SLC35F1: variants seen among roughly 807,000 people sequenced by gnomAD.
The protein encoded by SLC35F1 is chromosome 6 open reading frame 169.
SLC35F1 carries 14 observed loss-of-function variants against 48.7 expected under a neutral mutation model. The observed-to-expected ratio is 0.29, with a 90% CI of 0.19 to 0.45. The LOEUF is 0.45. SLC35F1 is among the 20% of genes least tolerant of loss of function. The pLI, the probability that SLC35F1 is intolerant of heterozygous loss-of-function variation, is 1.00. For missense variants in SLC35F1, 404 were observed against 500.0 expected (o/e 0.81, Z 1.83); for synonymous variants, 190 against 202.2 (o/e 0.94, Z 0.51).
At chr6:118,068,900 A>G (rs1397371974) in intron 1 of SLC35F1, among the ~76,000 whole-genome samples, 2 of 152,174 alleles carry the variant, frequency 1.3e-5, no homozygotes, top group Non-Finnish European at 1.5e-5. Flanking sequence ...TCTTTGAACA[A>G]GGCTTCAAGG....
chr6:118,289,356 A>G (rs1776089979), intron 7 of SLC35F1, among the ~76,000 whole-genome samples: 1 of 152,214 alleles, frequency 6.6e-6, no homozygotes, highest in South Asian at 2.1e-4. Context: ...CTCAGAGATA[A>G]ACACCCAAGA....
intron 1 of SLC35F1, among the ~76,000 whole-genome samples, chr6:117,973,055 A>G (rs1054575775): frequency 5.9e-5 from 9 of 152,188 alleles, no homozygotes; most frequent in African/African-American, 2.2e-4. Context: ...GGCTTAAACA[A>G]TAGAAATTTA....
intron 1 of SLC35F1, among the ~76,000 whole-genome samples, chr6:117,998,745 A>G (rs545096625): frequency 2.2e-4 from 34 of 152,358 alleles, no homozygotes; most frequent in African/African-American, 7.7e-4. Context: ...AAGACACAAC[A>G]GACCAGAATC....
intron 3 of SLC35F1, among the ~76,000 whole-genome samples, chr6:118,251,457 A>G (rs1280634062): frequency 6.6e-6 from 1 of 152,224 alleles, no homozygotes; most frequent in African/African-American, 2.4e-5. Flanking sequence ...CTCTTGTATA[A>G]CTGACAGCAT....
chr6:117,926,414 C>A (rs568755412), intron 1 of SLC35F1, among the ~76,000 whole-genome samples: 1 of 151,910 alleles, frequency 6.6e-6, no homozygotes, highest in Non-Finnish European at 1.5e-5. Context: ...GAGTTTTTTT[C>A]GTAGCAGCAT....
intron 1 of SLC35F1, among the ~76,000 whole-genome samples, chr6:118,143,710 A>G (rs1773927377): frequency 6.6e-6 from 1 of 152,222 alleles, no homozygotes; most frequent in South Asian, 2.1e-4. Context: ...TGGTACTTCC[A>G]AATATACTTA....
chr6:118,297,769 T>C (rs941206287), intron 7 of SLC35F1, among the ~76,000 whole-genome samples: 5 of 114,512 alleles, frequency 4.4e-5, no homozygotes, highest in African/African-American at 1.7e-4. Context: ...ATATATAATA[T>C]ATATATATAC....
chr6:117,923,712 T>C lies in SLC35F1; in HGVS notation c.173+15813T>C, dbSNP rs1363570911. Among the ~76,000 whole-genome samples the C allele has an allele frequency of 2.9e-3, 58 of 20,180 alleles. 12 individuals carry two copies. The highest frequency in any genetic ancestry group is 6.2e-3 in the African/African-American group (49 of 7,954). The allele number at this position is 20,180 out of a possible 152,430, so 13.2% of individuals were successfully genotyped here. ...ATATGTACATATACATATATGTACA[T>C]ATATACATATATACATATGTATATA... On this transcript the variant is annotated intron_variant, in intron 1 of 7. Coordinates refer to ENST00000360388, the MANE Select transcript of SLC35F1 (RefSeq NM_001029858.4).
Position 118,131,134 on chromosome 6 carries a change from T to A in SLC35F1, c.174-23311T>A, listed in dbSNP as rs566187626. Among the ~76,000 whole-genome samples the A allele has an allele frequency of 4.6e-5, 7 of 152,172 alleles. No homozygotes were observed. In the East Asian group the frequency reaches 7.7e-4, roughly 17 times the overall value. On this transcript the variant is annotated intron_variant, in intron 1 of 7. Coordinates refer to ENST00000360388, the MANE Select transcript of SLC35F1 (RefSeq NM_001029858.4). ...CAAACACACACGAGTTTTTTAAAAA[T>A]TTTTTCCTGCAATTTCAAGTCACTC...
chr6:118,062,624 T>C (rs1051245353), intron 1 of SLC35F1, among the ~76,000 whole-genome samples: 2 of 152,208 alleles, frequency 1.3e-5, no homozygotes, highest in Non-Finnish European at 2.9e-5. Context: ...CCTTTTTGTT[T>C]TTCTAATAAG....
chr6:118,284,996 AT>A lies in SLC35F1; in HGVS notation c.848-180del, dbSNP rs36095110. ...GCAGAAAGTTCATTTTTCACACTTA[AT>A]TTTTTTTAATCTAGTTTAATTTTTG... is the stretch of plus-strand genomic sequence containing the variant. On this transcript the variant is annotated intron_variant, in intron 6 of 7. Transcript: ENST00000360388. 1.1e-3 allele frequency among the ~76,000 whole-genome samples: 173 copies of A among 151,772 alleles called. 1 individual carries two copies. The highest frequency in any genetic ancestry group is 3.4e-3 in the Admixed American group (52 of 15,266).
At chr6:118,155,847 C>T (rs989024225) in intron 2 of SLC35F1, among the ~76,000 whole-genome samples, 4 of 152,100 alleles carry the variant, frequency 2.6e-5, no homozygotes, top group African/African-American at 9.7e-5. Flanking sequence ...TTTCAATAGT[C>T]ACACTTTTAG....
chr6:118,091,720 G>A (rs11758838), intron 1 of SLC35F1, among the ~76,000 whole-genome samples: 1 of 152,028 alleles, frequency 6.6e-6, no homozygotes, highest in Non-Finnish European at 1.5e-5. Flanking sequence ...GGTTGGAACA[G>A]TTTGGAGGCC....
intron 1 of SLC35F1, among the ~76,000 whole-genome samples, chr6:118,076,788 A>G (rs1772828341): frequency 6.6e-6 from 1 of 152,208 alleles, no homozygotes; most frequent in Non-Finnish European, 1.5e-5. Context: ...GAATGATTCC[A>G]TACAATTATA....
intron 1 of SLC35F1, among the ~76,000 whole-genome samples, chr6:118,118,684 G>T (rs913836306): frequency 6.6e-6 from 1 of 152,060 alleles, no homozygotes; most frequent in Admixed American, 6.6e-5. Flanking sequence ...TCCAGGAGTT[G>T]CTGAGTTCTC....
At chr6:118,124,250 T>C (rs913172615) in intron 1 of SLC35F1, among the ~76,000 whole-genome samples, 1 of 152,200 alleles carries the variant, frequency 6.6e-6, no homozygotes, top group African/African-American at 2.4e-5. Context: ...AAAATGAAAA[T>C]GTTGGACTAT....
rs531264658 is a variant in SLC35F1 at position 118,216,704 on chromosome 6, C to T, written c.350-18805C>T. On this transcript the variant is annotated intron_variant, in intron 2 of 7. Coordinates refer to ENST00000360388, the MANE Select transcript of SLC35F1 (RefSeq NM_001029858.4). Reference sequence around the variant, plus strand: ...TTTCCTTATTGTCTTTATTTGAAGACTTCAAAATGCTAAACATAAAGTAGC... The same window carrying T: ...TTTCCTTATTGTCTTTATTTGAAGATTTCAAAATGCTAAACATAAAGTAGC... Among the ~76,000 whole-genome samples the T allele has an allele frequency of 3.9e-5, 6 of 152,228 alleles. No homozygotes were observed. The East Asian group carries it at 1.2e-3, about 29-fold the overall frequency.
intron 1 of SLC35F1, among the ~76,000 whole-genome samples, chr6:117,972,783 A>G (rs1225810019): frequency 3.9e-5 from 6 of 152,176 alleles, no homozygotes; most frequent in Non-Finnish European, 8.8e-5. Context: ...GGAAACTACA[A>G]TTCAAGATGA....
chr6:118,223,198 A>T (rs935744544), intron 2 of SLC35F1, among the ~76,000 whole-genome samples: 1 of 152,204 alleles, frequency 6.6e-6, no homozygotes, highest in African/African-American at 2.4e-5. Context: ...CAAAAACATG[A>T]TTTTTATGGT....
Sources: gnomAD v4.1 joint callset for allele counts (sites outside exome capture counted in the v4.1 genomes callset) on GRCh38, gnomAD v4.1.1 for gene constraint, MANE v1.5 for transcripts, NCBI Gene and HGNC (gene_info 2026-07-23, HGNC 2026-07-21) for gene names.